The following PKNOX2 variants were observed in gnomAD, a reference collection of about 807,000 sequenced individuals.
PKNOX2 encodes the protein homeobox protein PKNOX2.
PKNOX2 carries 14 observed loss-of-function variants against 53.1 expected under a neutral mutation model. That is an observed-to-expected ratio of 0.26 (90% CI 0.17 to 0.41). The LOEUF is 0.41. Among genes scored for constraint, PKNOX2 ranks in the 10% least tolerant of loss-of-function variants. The pLI is 1.00. For synonymous variants in PKNOX2, 257 were observed against 242.8 expected (o/e 1.06, Z -0.54); for missense variants, 496 against 602.8 (o/e 0.82, Z 1.85).
At chr11:125,367,147 AC>A (rs1244985985) in intron 4 of PKNOX2, among the ~76,000 whole-genome samples, 21 of 152,264 alleles carry the variant, frequency 1.4e-4, no homozygotes, top group African/African-American at 4.6e-4. Context: ...TTTAAACAAA[AC>A]CTTAGATAGA....
intron 2 of PKNOX2, among the ~76,000 whole-genome samples, chr11:125,311,151 C>A (rs1159102002): frequency 6.6e-6 from 1 of 152,124 alleles, no homozygotes; most frequent in African/African-American, 2.4e-5. Flanking sequence ...TGCCTTGTTC[C>A]ATCTTTTGTA....
intron 1 of PKNOX2, among the ~76,000 whole-genome samples, chr11:125,214,871 C>T (rs1172543724): frequency 6.6e-6 from 1 of 151,968 alleles, no homozygotes; most frequent in African/African-American, 2.4e-5. Flanking sequence ...TCCATAGTGG[C>T]TCAAAGGGCT....
At chr11:125,414,515 GCT>G (rs753666771) in intron 10 of PKNOX2, among the ~76,000 whole-genome samples, 16 of 152,192 alleles carry the variant, frequency 1.1e-4, no homozygotes, top group Non-Finnish European at 2.2e-4. Context: ...AGTCCAGGCT[GCT>G]CTAGGGAAAC....
intron 2 of PKNOX2, among the ~76,000 whole-genome samples, chr11:125,322,047 T>C (rs925809304): frequency 2.6e-5 from 4 of 152,080 alleles, no homozygotes; most frequent in Admixed American, 2.6e-4. Flanking sequence ...ACAGTGGGGA[T>C]CAGGTTTCCA....
At chr11:125,267,277 G>A (rs1945431251) in intron 2 of PKNOX2, among the ~76,000 whole-genome samples, 1 of 152,136 alleles carries the variant, frequency 6.6e-6, no homozygotes, top group African/African-American at 2.4e-5. Flanking sequence ...CCGTACCCAC[G>A]TGGATCTAAG....
chr11:125,266,058 CT>C (rs1449218029), intron 2 of PKNOX2, among the ~76,000 whole-genome samples: 1 of 152,224 alleles, frequency 6.6e-6, no homozygotes, highest in Admixed American at 6.5e-5. Context: ...CACTTCACCC[CT>C]ATGCACACTT....
intron 2 of PKNOX2, among the ~76,000 whole-genome samples, chr11:125,314,327 G>A: frequency 6.6e-6 from 1 of 152,172 alleles, no homozygotes; most frequent in Non-Finnish European, 1.5e-5. Context: ...TGGCCAGTTT[G>A]GATCTGCTCT....
intron 2 of PKNOX2, among the ~76,000 whole-genome samples, chr11:125,263,065 A>G (rs1322445907): frequency 6.6e-6 from 1 of 152,160 alleles, no homozygotes. Context: ...AGAGGGCCAG[A>G]GCCAGTGGTG....
At chr11:125,410,907 A>G (rs73027846) in intron 9 of PKNOX2, 31 bp downstream of exon 9, 2 of 1,586,722 alleles carry the variant, frequency 1.3e-6, no homozygotes, top group Non-Finnish European at 1.7e-6. Flanking sequence ...GCACATGTGC[A>G]TGGTGTGGGC....
chr11:125,331,130 G>T (rs577704004), intron 2 of PKNOX2, among the ~76,000 whole-genome samples: 3 of 152,146 alleles, frequency 2.0e-5, no homozygotes, highest in Admixed American at 6.5e-5. Context: ...CCTTATGGCC[G>T]TGCTGACCAC....
chr11:125,314,833 G>T (rs554778849), intron 2 of PKNOX2, among the ~76,000 whole-genome samples: 4 of 152,258 alleles, frequency 2.6e-5, no homozygotes, highest in Non-Finnish European at 2.9e-5. Context: ...CTGGACACTG[G>T]ATTACCCCTG....
chr11:125,365,898 T>G (rs1952164263), intron 4 of PKNOX2, among the ~76,000 whole-genome samples: 1 of 152,222 alleles, frequency 6.6e-6, no homozygotes, highest in Admixed American at 6.5e-5. Context: ...ATCTCTCATC[T>G]TTGTGACCCC....
intron 2 of PKNOX2, among the ~76,000 whole-genome samples, chr11:125,296,564 C>T (rs1287250239): frequency 6.6e-6 from 1 of 152,192 alleles, no homozygotes; most frequent in Non-Finnish European, 1.5e-5. Flanking sequence ...TGCTCTTGAT[C>T]CTTTTAATTC....
chr11:125,385,435 G>C, intron 5 of PKNOX2, 116 bp from the exon 6 acceptor site: 1 of 1,202,582 alleles, frequency 8.3e-7, no homozygotes, highest in Non-Finnish European at 1.2e-6. Flanking sequence ...TTATCAAGGA[G>C]TGGGACCTTG....
chr11:125,350,530 T>C (rs1312233689), intron 3 of PKNOX2, among the ~76,000 whole-genome samples: 1 of 151,530 alleles, frequency 6.6e-6, no homozygotes, highest in African/African-American at 2.4e-5. Context: ...TATCCCCACA[T>C]TCCGGTGACC....
At chr11:125,258,833 G>T (rs1193087400) in intron 2 of PKNOX2, 3 of 342,498 alleles carry the variant, frequency 8.8e-6, no homozygotes, top group Non-Finnish European at 1.2e-5. Context: ...ACCAGAAGTT[G>T]CTTTGGGTCC....
chr11:125,357,923 G>A (rs370122821), intron 4 of PKNOX2, among the ~76,000 whole-genome samples: 10 of 152,176 alleles, frequency 6.6e-5, no homozygotes, highest in African/African-American at 2.2e-4. Context: ...GTGTCCTGTG[G>A]GCCATGCGGA....
At chr11:125,344,870 C>A (rs7113696) in intron 3 of PKNOX2, among the ~76,000 whole-genome samples, 20,261 of 152,040 alleles carry the variant, frequency 0.13, 2,917 homozygotes, top group African/African-American at 0.36. Context: ...GACCTCTTAG[C>A]TGGCCTTCAG....
intron 2 of PKNOX2, among the ~76,000 whole-genome samples, chr11:125,322,617 T>G (rs547950597): frequency 3.9e-4 from 60 of 152,280 alleles, no homozygotes; most frequent in African/African-American, 1.4e-3. Flanking sequence ...GAACTCCCCA[T>G]GGATGATGAC....
Sources: gnomAD v4.1 joint callset for allele counts (sites outside exome capture counted in the v4.1 genomes callset) on GRCh38, gnomAD v4.1.1 for gene constraint, MANE v1.5 for transcripts, NCBI Gene and HGNC (gene_info 2026-07-23, HGNC 2026-07-21) for gene names.